Variants in TMEM204 observed in about 807,000 individuals in gnomAD.
TMEM204 encodes the protein transmembrane protein 204.
A neutral mutation model predicts 19.4 loss-of-function variants in TMEM204; 15 were observed. The observed-to-expected ratio is 0.77, with a 90% CI of 0.52 to 1.19. TMEM204 has a LOEUF of 1.19. Ranked by LOEUF, TMEM204 falls within the 50% of genes most tolerant of loss-of-function variation. TMEM204 has a pLI of 0.00. For missense variants in TMEM204, 287 were observed against 321.2 expected (o/e 0.89, Z 0.81); for synonymous variants, 161 against 146.0 (o/e 1.10, Z -0.74).
intron 2 of TMEM204, among the ~76,000 whole-genome samples, chr16:1,552,592 C>T (rs1448967009): frequency 1.3e-5 from 2 of 152,066 alleles, no homozygotes; most frequent in African/African-American, 2.4e-5. Flanking sequence ...GGGCACATTC[C>T]GCACTGGTAG....
intron 2 of TMEM204, among the ~76,000 whole-genome samples, chr16:1,550,281 C>G (rs2032527402): frequency 1.3e-5 from 2 of 152,214 alleles, no homozygotes; most frequent in Admixed American, 1.3e-4. Flanking sequence ...TGGAAGCAGA[C>G]AGATGCTCTG....
At chr16:1,530,529 C>T (rs531357764), upstream of TMEM204, among the ~76,000 whole-genome samples, 9 of 152,320 alleles carry the variant, frequency 5.9e-5, no homozygotes, top group East Asian at 3.9e-4. Flanking sequence ...CTACCTGCCC[C>T]GCGTGGCTCC....
rs757461337 is a variant in TMEM204 at position 1,554,815 on chromosome 16, A to G, written c.470A>G (p.Tyr157Cys). 5.6e-6 allele frequency: 9 copies of G among 1,613,958 alleles called. No homozygotes were observed. The highest frequency in any genetic ancestry group is 1.1e-5 in the South Asian group (1 of 91,076). Residue 157 changes from tyrosine to cysteine, a missense_variant, in exon 3 of 3, where the codon TAC (tyrosine) becomes TGC (cysteine). By Grantham distance (194) the Tyr-to-Cys change is radical. Coordinates refer to ENST00000566264, the MANE Select transcript of TMEM204 (RefSeq NM_024600.6). ...CTGGTCATCGGGCTCGTGACTTTCT[A>G]CAGAATTGGCCCATACACCAACCTG... ...FVLVIGLVTF[Y>C]RIGPYTNLSW...
At chr16:1,528,753 C>T (rs2030105548), upstream of TMEM204, 1 of 152,638 alleles carries the variant, frequency 6.6e-6, no homozygotes. Flanking sequence ...GCTCTGAGGA[C>T]TGGAGGGACC....
At chr16:1,528,913 A>G (rs3784825), upstream of TMEM204, 30,078 of 152,062 alleles carry the variant, frequency 0.2, 3,742 homozygotes, top group African/African-American at 0.34. Flanking sequence ...TGGTACCTCC[A>G]TCTCCGGGAG....
chr16:1,554,062 T>A, intron 2 of TMEM204: 1 of 1,287,050 alleles, frequency 7.8e-7, no homozygotes, highest in Admixed American at 2.3e-5. Context: ...GGGGAAAGCA[T>A]GGAAGGAAAA....
chr16:1,554,858 G>A lies in TMEM204; in HGVS notation c.513G>A (p.Leu171=). Residue 171 remains leucine, a synonymous_variant, in exon 3 of 3, where the codon CTG becomes CTA. Transcript: ENST00000566264. ...PYTNLSWSCY[L]NIGACLLATL... ...CCAACCTGTCCTGGTCCTGCTACCT[G>A]AACATTGGCGCCTGCCTTCTGGCCA... The A allele has an allele frequency of 6.2e-7, 1 of 1,614,214 alleles. No homozygotes were observed.
At chr16:1,541,645 T>C (rs896199642) in intron 1 of TMEM204, 4 of 359,230 alleles carry the variant, frequency 1.1e-5, no homozygotes, top group Non-Finnish European at 1.2e-5. Context: ...AAGACAGAAA[T>C]AGCAGAGTAG....
In TMEM204 at chr16:1,551,321, A is replaced by C. The variant is rs2141382958; in HGVS notation, c.437-3461A>C. On this transcript the variant is annotated intron_variant, in intron 2 of 2. Coordinates refer to ENST00000566264, the MANE Select transcript of TMEM204 (RefSeq NM_024600.6). The surrounding 1 kb of genome is among the most constrained non-coding windows in gnomAD (Gnocchi z 4.0). ...AGGTGCAACTCTAAGCCGAGGCCCG[A>C]AGGATCAGCAGCAGGAGGGGCCCCT... 6.6e-6 allele frequency among the ~76,000 whole-genome samples: 1 copy of C among 152,082 alleles called. No individual in the cohort carries two copies. The highest frequency in any genetic ancestry group is 2.1e-4 in the South Asian group (1 of 4,814).
upstream of TMEM204, chr16:1,530,959 G>C (rs369920776): frequency 6.6e-6 from 1 of 152,318 alleles, no homozygotes. Context: ...CGAGGCTGCT[G>C]GGAGAACCCA....
chr16:1,539,907 G>A (rs1367709959), intron 1 of TMEM204, among the ~76,000 whole-genome samples: 2 of 152,142 alleles, frequency 1.3e-5, no homozygotes, highest in Admixed American at 6.5e-5. Context: ...TCTGCGCACT[G>A]CCCTCACACC....
intron 2 of TMEM204, 42 bp from the exon 3 acceptor site, chr16:1,554,740 T>C (rs2032950003): frequency 1.9e-6 from 3 of 1,606,378 alleles, no homozygotes; most frequent in Admixed American, 1.7e-5. Flanking sequence ...GGAACCCGCC[T>C]TCCTCTCAGA....
chr16:1,539,898 C>G (rs747527482), intron 1 of TMEM204, among the ~76,000 whole-genome samples: 12 of 152,204 alleles, frequency 7.9e-5, no homozygotes, highest in African/African-American at 1.2e-4. Flanking sequence ...CCTCCACTCT[C>G]TGCGCACTGC....
rs979936510 is a variant in TMEM204 at position 1,555,538 on chromosome 16, T to C, written c.*512T>C. The C allele has an allele frequency of 6.3e-6, 1 of 157,692 alleles. No homozygotes were observed. Among genetic ancestry groups the C allele is most frequent in the Non-Finnish European group, 1.4e-5 (1 of 71,560 alleles). The allele number at this position is 157,692 out of a possible 1,614,324, so 9.8% of individuals were successfully genotyped here. Reference sequence around the variant, plus strand: ...TTCGTGTCTGTTTTGCTCGATTCTTTTCCTAAGTTAAATAAATGCAAGCCT... The same window carrying C: ...TTCGTGTCTGTTTTGCTCGATTCTTCTCCTAAGTTAAATAAATGCAAGCCT... On this transcript the variant is annotated 3_prime_UTR_variant, in exon 3 of 3. Transcript: ENST00000566264.
chr16:1,554,823 G>C lies in TMEM204; in HGVS notation c.478G>C (p.Gly160Arg). Residue 160 changes from glycine to arginine, a missense_variant, in exon 3 of 3, where the codon GGC becomes CGC. Coordinates refer to ENST00000566264, the MANE Select transcript of TMEM204 (RefSeq NM_024600.6). ...CGGGCTCGTGACTTTCTACAGAATT[G>C]GCCCATACACCAACCTGTCCTGGTC... Reference protein sequence around the residue: ...VIGLVTFYRIGPYTNLSWSCY... With the variant: ...VIGLVTFYRIRPYTNLSWSCY... 6.2e-7 allele frequency: 1 copy of C among 1,614,158 alleles called. No homozygotes were observed. Among genetic ancestry groups the C allele is most frequent in the Non-Finnish European group, 8.5e-7 (1 of 1,180,044 alleles).
At chr16:1,530,064 G>C (rs905596101), upstream of TMEM204, among the ~76,000 whole-genome samples, 1 of 151,168 alleles carries the variant, frequency 6.6e-6, no homozygotes, top group Admixed American at 6.6e-5. Context: ...TGGCCGCTTC[G>C]TAAACACCAC....
chr16:1,553,977 C>T lies in TMEM204; in HGVS notation c.437-805C>T, dbSNP rs973893964. ...ACTGTAGCATCAGCGACTAACTAGACGGGAACAAGCTGCGCCAACCAAGGG... is the reference window on the plus strand; with the variant it reads ...ACTGTAGCATCAGCGACTAACTAGATGGGAACAAGCTGCGCCAACCAAGGG... On this transcript the variant is annotated intron_variant, in intron 2 of 2. Transcript: ENST00000566264. The surrounding 1 kb of genome is among the most constrained non-coding windows in gnomAD (Gnocchi z 4.4). The T allele has an allele frequency of 1.9e-5, 24 of 1,287,208 alleles. No homozygotes were observed. The highest frequency in any genetic ancestry group is 1.1e-4 in the East Asian group (2 of 18,020). The allele number at this position is 1,287,208 out of a possible 1,614,324, so 79.7% of individuals were successfully genotyped here.
intron 2 of TMEM204, among the ~76,000 whole-genome samples, chr16:1,549,958 C>A (rs950680944): frequency 2.0e-5 from 3 of 152,154 alleles, no homozygotes; most frequent in African/African-American, 7.2e-5. Flanking sequence ...TATCTACATT[C>A]TGAGTCTTTT....
At chr16:1,529,999 A>G (rs1319749723), upstream of TMEM204, among the ~76,000 whole-genome samples, 3 of 152,068 alleles carry the variant, frequency 2.0e-5, no homozygotes, top group Admixed American at 6.6e-5. Flanking sequence ...CAGACGTCTC[A>G]CTTCTCTAAC....
Sources: allele counts gnomAD v4.1 joint callset (sites outside exome capture counted in the v4.1 genomes callset), GRCh38; gene constraint gnomAD v4.1.1; non-coding constraint Gnocchi (gnomAD v3.1); transcripts MANE v1.5; gene names NCBI Gene and HGNC (gene_info 2026-07-23, HGNC 2026-07-21).